ELL: variants seen among roughly 807,000 people sequenced by gnomAD.
ELL encodes RNA polymerase II elongation factor ELL.
In ELL, 18 loss-of-function variants were observed where a neutral mutation model predicts 64.0. The ratio of observed to expected loss-of-function variants is 0.28; its 90% CI spans 0.19 to 0.42. ELL has a LOEUF of 0.42. ELL is among the 10% of genes least tolerant of loss of function. ELL has a pLI of 1.00. For synonymous variants in ELL, 399 were observed against 376.2 expected, an observed-to-expected ratio of 1.06 and a Z score of -0.70; for missense variants, 797 against 870.4, an observed-to-expected ratio of 0.92 and a Z score of 1.06.
intron 1 of ELL, among the ~76,000 whole-genome samples, chr19:18,486,735 G>C (rs1051269605): frequency 1.3e-5 from 2 of 152,194 alleles, no homozygotes; most frequent in African/African-American, 2.4e-5. Context: ...CCAGAAGATA[G>C]GCAAAGATCA....
chr19:18,445,207 A>C lies in ELL; in HGVS notation c.1749+17T>G, dbSNP rs1292051969. 1 of 1,614,064 alleles carries C rather than the reference A, an allele frequency of 6.2e-7. No individual in the cohort carries two copies. The highest frequency in any genetic ancestry group is 8.5e-7 in the Non-Finnish European group (1 of 1,180,018). Reference sequence around the variant, plus strand: ...CATGGCTCACTTGGAGCCCACCCCAACACAAGAGACACTCACCTTTTTGAT... The same window carrying C: ...CATGGCTCACTTGGAGCCCACCCCACCACAAGAGACACTCACCTTTTTGAT... On this transcript the variant is annotated intron_variant, in intron 11 of 11. Coordinates refer to ENST00000262809, the MANE Select transcript of ELL (RefSeq NM_006532.4).
At chr19:18,485,793 T>C (rs557701787) in intron 1 of ELL, among the ~76,000 whole-genome samples, 1 of 152,234 alleles carries the variant, frequency 6.6e-6, no homozygotes, top group South Asian at 2.1e-4. Flanking sequence ...GAGACCATCC[T>C]GGTTAACACG....
chr19:18,485,976 ACT>A (rs1555736008), intron 1 of ELL, among the ~76,000 whole-genome samples: 3 of 150,906 alleles, frequency 2.0e-5, no homozygotes, highest in Non-Finnish European at 4.4e-5. Flanking sequence ...ACAGAGCGAG[ACT>A]CTGTCTCAAA....
At position 18,465,839 on chromosome 19, in the gene ELL, T is replaced by C. The variant is rs1022339058; in HGVS notation, c.263A>G (p.Asn88Ser). ...GATGCAGTCGAAGCTGCCCTGGGGG[T>C]TGTCGCGGCCGATGTTGGAGAGGTA... ...SFYLSNIGRD[N>S]PQGSFDCIQQ... is the part of the protein sequence containing the mutation. Residue 88 changes from asparagine to serine, a missense_variant, in exon 3 of 12, where the codon AAC becomes AGC. Physicochemically the swap from Asn to Ser is conservative, Grantham distance 46 (BLOSUM62 1). Coordinates refer to ENST00000262809, the MANE Select transcript of ELL (RefSeq NM_006532.4). 10 of 1,352,152 alleles carry C rather than the reference T, an allele frequency of 7.4e-6. No homozygotes were observed. Among genetic ancestry groups the C allele is most frequent in the African/African-American group, 1.5e-5 (1 of 66,678 alleles). 83.8% of individuals were successfully genotyped at this position (1,352,152 alleles called of 1,614,324 possible).
At chr19:18,484,836 C>G (rs918824587) in intron 1 of ELL, among the ~76,000 whole-genome samples, 1 of 152,186 alleles carries the variant, frequency 6.6e-6, no homozygotes, top group Non-Finnish European at 1.5e-5. Flanking sequence ...GGAAGGCCTT[C>G]GAGAAACTGC....
At chr19:18,463,640 C>T (rs1974876936) in intron 4 of ELL, among the ~76,000 whole-genome samples, 1 of 152,006 alleles carries the variant, frequency 6.6e-6, no homozygotes, top group Admixed American at 6.6e-5. Flanking sequence ...GCCACATTCA[C>T]ATCTTAACAG....
At chr19:18,502,616 G>A (rs1412010677) in intron 1 of ELL, among the ~76,000 whole-genome samples, 2 of 152,230 alleles carry the variant, frequency 1.3e-5, no homozygotes, top group Non-Finnish European at 1.5e-5. Flanking sequence ...CCATCTCTGA[G>A]AGATGACAAC....
chr19:18,453,732 AT>A (rs1001588447), intron 6 of ELL, among the ~76,000 whole-genome samples: 8 of 152,152 alleles, frequency 5.3e-5, no homozygotes, highest in African/African-American at 1.9e-4. Context: ...TAATTTTTTC[AT>A]TTTTTGTAGA....
At chr19:18,459,685 A>C (rs1459576783) in intron 5 of ELL, among the ~76,000 whole-genome samples, 1 of 149,828 alleles carries the variant, frequency 6.7e-6, no homozygotes, top group African/African-American at 2.5e-5. Flanking sequence ...ACGCCCGGCT[A>C]ATTTTTTTGT....
At chr19:18,516,092 G>T (rs909634896) in intron 1 of ELL, among the ~76,000 whole-genome samples, 1 of 152,088 alleles carries the variant, frequency 6.6e-6, no homozygotes. Context: ...GGTGCCCACC[G>T]GGAAGGGAAG....
At chr19:18,446,059 G>C (rs1974407294) in intron 10 of ELL, 1 of 520,294 alleles carries the variant, frequency 1.9e-6, no homozygotes, top group Non-Finnish European at 3.4e-6. Flanking sequence ...CATCCAAGGA[G>C]GTGGGTCACA....
chr19:18,498,985 T>C (rs1037031576), intron 1 of ELL, among the ~76,000 whole-genome samples: 2 of 152,084 alleles, frequency 1.3e-5, no homozygotes, highest in Non-Finnish European at 2.9e-5. Context: ...CCCACACAAA[T>C]GTGTGCACTA....
chr19:18,458,512 G>A (rs1288906704), intron 5 of ELL, among the ~76,000 whole-genome samples, 183 bp from the exon 6 acceptor site: 2 of 152,018 alleles, frequency 1.3e-5, no homozygotes, highest in African/African-American at 2.4e-5. Context: ...CAGTTCCCCC[G>A]CACACAATCC....
rs1974363143 is a variant in ELL at position 18,444,327 on chromosome 19, G to C, written c.*425C>G. On this transcript the variant is annotated 3_prime_UTR_variant, in exon 12 of 12. Transcript: ENST00000262809. The stretch of plus-strand genomic sequence containing the variant: ...CGGCTAGACCCTGGGTGTCCGAGGA[G>C]AGGGAGGCACAGGTTTAGAAAAAAG... 1 of 240,194 alleles carries C rather than the reference G, an allele frequency of 4.2e-6. No individual in the cohort carries two copies. The allele number at this position is 240,194 out of a possible 1,614,324, so 14.9% of individuals were successfully genotyped here.
At chr19:18,510,345 C>T (rs955957343) in intron 1 of ELL, among the ~76,000 whole-genome samples, 1 of 152,202 alleles carries the variant, frequency 6.6e-6, no homozygotes, top group African/African-American at 2.4e-5. Context: ...CACACTCCAG[C>T]CTGGGTGACA....
At chr19:18,490,025 G>A (rs192282332) in intron 1 of ELL, among the ~76,000 whole-genome samples, 4 of 152,264 alleles carry the variant, frequency 2.6e-5, no homozygotes, top group Admixed American at 6.5e-5. Context: ...ACCTGCACGC[G>A]GGGCCAGCCA....
At chr19:18,476,255 G>T (rs987851954) in intron 1 of ELL, among the ~76,000 whole-genome samples, 1 of 152,246 alleles carries the variant, frequency 6.6e-6, no homozygotes, top group Non-Finnish European at 1.5e-5. Context: ...GTCGGCCCGG[G>T]GCTAACACAA....
At chr19:18,476,232 C>A (rs1975171853) in intron 1 of ELL, among the ~76,000 whole-genome samples, 1 of 152,234 alleles carries the variant, frequency 6.6e-6, no homozygotes, top group South Asian at 2.1e-4. Flanking sequence ...GCGGTGCAAA[C>A]CTCTGCAGAG....
intron 6 of ELL, among the ~76,000 whole-genome samples, chr19:18,452,278 GCGC>G (rs150204794): frequency 0.018 from 2,676 of 152,254 alleles, 80 homozygotes; most frequent in African/African-American, 0.061. Context: ...GGGCAGCCTA[GCGC>G]CCCTCCAGGC....
Sources: gnomAD v4.1 joint callset for allele counts (sites outside exome capture counted in the v4.1 genomes callset) on GRCh38, gnomAD v4.1.1 for gene constraint, MANE v1.5 for transcripts, NCBI Gene and HGNC (gene_info 2026-07-23, HGNC 2026-07-21) for gene names.